Variants in ADGRL3 observed in about 807,000 individuals in gnomAD.
The protein encoded by ADGRL3 is calcium-independent alpha-latrotoxin receptor 3.
In ADGRL3, 62 loss-of-function variants were observed where a neutral mutation model predicts 153.5. The observed-to-expected ratio is 0.40, with a 90% confidence interval of 0.33 to 0.50. The LOEUF is 0.50. ADGRL3 is among the 20% of genes least tolerant of loss of function. The probability of loss-of-function intolerance (pLI) is 0.47; values close to 1 mark genes in which losing one functional copy is unlikely to be tolerated. For missense variants in ADGRL3, 1,641 were observed against 1,859.4 expected (o/e 0.88, Z 2.16); for synonymous variants, 710 against 672.5 (o/e 1.06, Z -0.86).
At chr4:61,414,642 C>G (rs1313037332) in intron 2 of ADGRL3, among the ~76,000 whole-genome samples, 2 of 151,154 alleles carry the variant, frequency 1.3e-5, no homozygotes, top group Non-Finnish European at 2.9e-5. Flanking sequence ...AAGGAGGAGA[C>G]AGAGACAGTC....
At chr4:62,033,916 CTT>C (rs1051667855) in intron 23 of ADGRL3, among the ~76,000 whole-genome samples, 1 of 151,516 alleles carries the variant, frequency 6.6e-6, no homozygotes, top group Admixed American at 6.6e-5. Context: ...CATTCTTTTG[CTT>C]TGAGTATTTT....
At position 61,741,424 on chromosome 4, in the gene ADGRL3, T is replaced by G. The variant is rs188157597; in HGVS notation, c.1399+7870T>G. 5.9e-5 allele frequency among the ~76,000 whole-genome samples: 9 copies of G among 152,378 alleles called. No homozygotes were observed. The South Asian group carries it at 1.0e-3, about 18-fold the overall frequency. ...AATTTCAGCCCTATCTGTATTTTTA[T>G]GCATCAGCTGTTTTCTCTGTCTGCA... is the stretch of plus-strand genomic sequence containing the variant. On this transcript the variant is annotated intron_variant, in intron 8 of 26. Transcript: ENST00000683033.
At chr4:61,425,577 C>G (rs1217241441) in intron 2 of ADGRL3, 2 of 152,272 alleles carry the variant, frequency 1.3e-5, no homozygotes, top group East Asian at 3.9e-4. Flanking sequence ...AGGCAAAATA[C>G]AGGCTAACCA....
At chr4:61,883,185 TTTC>T (rs1249342925) in intron 9 of ADGRL3, among the ~76,000 whole-genome samples, 1 of 152,138 alleles carries the variant, frequency 6.6e-6, no homozygotes, top group East Asian at 1.9e-4. Flanking sequence ...TTCCTCTGCT[TTTC>T]TTCTTCTTCT....
chr4:61,777,815 A>C (rs575199805), intron 8 of ADGRL3, among the ~76,000 whole-genome samples: 48 of 152,280 alleles, frequency 3.2e-4, no homozygotes, highest in African/African-American at 1.1e-3. Context: ...AAAAGTTTTG[A>C]GTATCGCTAG....
At chr4:62,038,621 A>C (rs183922630) in intron 24 of ADGRL3, among the ~76,000 whole-genome samples, 2 of 152,198 alleles carry the variant, frequency 1.3e-5, no homozygotes, top group Non-Finnish European at 2.9e-5. Flanking sequence ...TTGTTTTTTG[A>C]GACAGAGTCT....
intron 17 of ADGRL3, among the ~76,000 whole-genome samples, 179 bp downstream of exon 17, chr4:61,948,455 C>G (rs529332574): frequency 4.6e-4 from 70 of 152,232 alleles, no homozygotes; most frequent in African/African-American, 1.6e-3. Flanking sequence ...AACTTGTTAT[C>G]TCTTTTCCTA....
At chr4:61,737,028 A>C (rs2096526839) in intron 8 of ADGRL3, among the ~76,000 whole-genome samples, 1 of 152,170 alleles carries the variant, frequency 6.6e-6, no homozygotes, top group South Asian at 2.1e-4. Flanking sequence ...TATTTCACAC[A>C]AACAGTTTCA....
chr4:61,590,024 C>T (rs747371430), intron 5 of ADGRL3, among the ~76,000 whole-genome samples: 1 of 152,074 alleles, frequency 6.6e-6, no homozygotes, highest in Non-Finnish European at 1.5e-5. Context: ...ACCCACCAAT[C>T]GTCCATGCTT....
At chr4:61,601,649 A>G (rs2099012113) in intron 5 of ADGRL3, among the ~76,000 whole-genome samples, 1 of 152,128 alleles carries the variant, frequency 6.6e-6, no homozygotes, top group Non-Finnish European at 1.5e-5. Flanking sequence ...ACATGCTAAG[A>G]CTCATAAATA....
intron 3 of ADGRL3, among the ~76,000 whole-genome samples, chr4:61,516,775 T>G (rs1173108257): frequency 6.6e-6 from 1 of 152,056 alleles, no homozygotes; most frequent in Non-Finnish European, 1.5e-5. Context: ...CCTGAAAACA[T>G]ACAAATAAGT....
chr4:61,355,323 C>T (rs955992775), intron 1 of ADGRL3, among the ~76,000 whole-genome samples: 1 of 151,974 alleles, frequency 6.6e-6, no homozygotes. Flanking sequence ...TGCTGAAGTG[C>T]CTTTCTCTCA....
At chr4:61,757,992 G>A (rs2152126072) in intron 8 of ADGRL3, among the ~76,000 whole-genome samples, 1 of 152,294 alleles carries the variant, frequency 6.6e-6, no homozygotes, top group Admixed American at 6.5e-5. Context: ...GAGACAGTTA[G>A]TTATAATTTC....
chr4:61,255,303 G>A (rs572344030), intron 1 of ADGRL3, among the ~76,000 whole-genome samples: 4 of 152,128 alleles, frequency 2.6e-5, no homozygotes, highest in Non-Finnish European at 5.9e-5. Context: ...TAGAGTTTTC[G>A]AAATGATTCA....
At chr4:61,738,021 A>G (rs1386694644) in intron 8 of ADGRL3, among the ~76,000 whole-genome samples, 1 of 151,728 alleles carries the variant, frequency 6.6e-6, no homozygotes, top group East Asian at 1.9e-4. Flanking sequence ...ATTTTGGTGC[A>G]CCCATCACTC....
chr4:61,958,887 A>T (rs1450572059), intron 17 of ADGRL3, among the ~76,000 whole-genome samples: 1 of 152,106 alleles, frequency 6.6e-6, no homozygotes, highest in African/African-American at 2.4e-5. Flanking sequence ...TCTACTTGTA[A>T]CTTTTCTGAA....
intron 1 of ADGRL3, among the ~76,000 whole-genome samples, chr4:61,280,806 A>G (rs965476972): frequency 1.1e-4 from 16 of 152,174 alleles, no homozygotes; most frequent in Non-Finnish European, 1.5e-4. Flanking sequence ...ATAGATAAAT[A>G]TATTGTAATA....
At chr4:61,644,901 T>C (rs2093890857) in intron 5 of ADGRL3, among the ~76,000 whole-genome samples, 1 of 151,864 alleles carries the variant, frequency 6.6e-6, no homozygotes, top group Non-Finnish European at 1.5e-5. Context: ...AGTCTCCCAT[T>C]ATTAATGTGT....
At chr4:61,820,876 T>C (rs1199381046) in intron 9 of ADGRL3, among the ~76,000 whole-genome samples, 1 of 152,146 alleles carries the variant, frequency 6.6e-6, no homozygotes, top group East Asian at 1.9e-4. Flanking sequence ...ACTACTCACA[T>C]GCAAAATGCC....
Sources: allele counts gnomAD v4.1 joint callset (sites outside exome capture counted in the v4.1 genomes callset), GRCh38; gene constraint gnomAD v4.1.1; transcripts MANE v1.5; gene names NCBI Gene and HGNC (gene_info 2026-07-23, HGNC 2026-07-21).